The following RIMS2 variants were observed in gnomAD, a reference collection of about 807,000 sequenced individuals.
RIMS2 encodes regulating synaptic membrane exocytosis 2, also known as regulating synaptic membrane exocytosis protein 2.
Under a neutral mutation model 174.4 loss-of-function variants are expected in RIMS2, and 59 were observed. The observed-to-expected ratio is 0.34, with a 90% CI of 0.27 to 0.42. RIMS2 has a LOEUF of 0.42. Among genes scored for constraint, RIMS2 ranks in the 10% least tolerant of loss-of-function variants. The pLI is 1.00. For missense variants in RIMS2, 1,620 were observed against 1,666.3 expected, an observed-to-expected ratio of 0.97 and a Z score of 0.48; for synonymous variants, 606 against 572.5, an observed-to-expected ratio of 1.06 and a Z score of -0.84.
chr8:103,500,930 C>G (rs1229440695), exon 1 of RIMS2: 1 of 1,607,794 alleles, frequency 6.2e-7, no homozygotes, highest in African/African-American at 1.3e-5. Flanking sequence ...GCTCCCATCC[C>G]GGCGGCCTCT....
chr8:104,140,268 T>G (rs2098555146), intron 19 of RIMS2, among the ~76,000 whole-genome samples: 1 of 152,180 alleles, frequency 6.6e-6, no homozygotes, highest in Non-Finnish European at 1.5e-5. Flanking sequence ...CATGTCATAA[T>G]TTTTACCCAC....
chr8:104,011,383 GAGAAAAATATATAAGTA>G (rs1398949136), intron 17 of RIMS2, among the ~76,000 whole-genome samples: 2 of 151,842 alleles, frequency 1.3e-5, no homozygotes, highest in African/African-American at 2.4e-5. Context: ...TGTATTTACG[GAGAAAAATATATAAGTA>G]AAATGTAAAA....
chr8:103,658,903 G>T (rs2096563623), intron 1 of RIMS2, among the ~76,000 whole-genome samples: 2 of 152,136 alleles, frequency 1.3e-5, no homozygotes, highest in Admixed American at 1.3e-4. Context: ...ATGTTAGCTT[G>T]CAATAGCAGA....
At chr8:103,595,609 G>T (rs2094452079) in intron 1 of RIMS2, among the ~76,000 whole-genome samples, 1 of 151,888 alleles carries the variant, frequency 6.6e-6, no homozygotes, top group South Asian at 2.1e-4. Context: ...CAGTCATTTG[G>T]ATTTGTGCTT....
intron 1 of RIMS2, among the ~76,000 whole-genome samples, chr8:103,636,789 C>A (rs2096088461): frequency 1.0e-4 from 1 of 9,910 alleles, no homozygotes; most frequent in African/African-American, 7.6e-4. Flanking sequence ...CACCCCCGCA[C>A]CCCCCCCCCC....
chr8:103,882,062 C>A (rs910727484), intron 3 of RIMS2, among the ~76,000 whole-genome samples: 1 of 151,360 alleles, frequency 6.6e-6, no homozygotes, highest in Non-Finnish European at 1.5e-5. Flanking sequence ...AAATCCTAGA[C>A]GAATCGTTCC....
intron 2 of RIMS2, among the ~76,000 whole-genome samples, chr8:103,762,586 G>T (rs972614144): frequency 6.6e-6 from 1 of 152,116 alleles, no homozygotes; most frequent in African/African-American, 2.4e-5. Context: ...AGAGGTATTG[G>T]TGTGTGTGAG....
chr8:103,681,860 C>A (rs943586334), intron 1 of RIMS2, among the ~76,000 whole-genome samples: 4 of 151,926 alleles, frequency 2.6e-5, no homozygotes, highest in Non-Finnish European at 5.9e-5. Context: ...GGAGACTATT[C>A]TCTAGATTAG....
intron 3 of RIMS2, among the ~76,000 whole-genome samples, chr8:103,861,932 G>T (rs2099061070): frequency 6.6e-6 from 1 of 152,042 alleles, no homozygotes; most frequent in African/African-American, 2.4e-5. Context: ...TCTGTAAGTT[G>T]TCTATTTACT....
At chr8:104,000,072 A>C (rs1379784072) in intron 17 of RIMS2, among the ~76,000 whole-genome samples, 1 of 151,776 alleles carries the variant, frequency 6.6e-6, no homozygotes, top group African/African-American at 2.4e-5. Flanking sequence ...GCCTTGCCCT[A>C]GTGCAACAGA....
Position 104,188,091 on chromosome 8 carries a change from C to T in RIMS2, c.3335-56825C>T, listed in dbSNP as rs147493719. 6.6e-3 allele frequency among the ~76,000 whole-genome samples: 1,006 copies of T among 151,712 alleles called. 15 individuals are homozygous for T. The highest frequency in any genetic ancestry group is 0.023 in the African/African-American group (965 of 41,450). On this transcript the variant is annotated intron_variant, in intron 19 of 23. Coordinates refer to ENST00000504942, the Ensembl canonical transcript of RIMS2. ...TTTATAGTATGAGAATGGATGTAGC[C>T]TAACACTTTGTTCAATAGGACAATA...
Position 104,210,728 on chromosome 8 carries a change from A to G in RIMS2, c.3335-34188A>G, listed in dbSNP as rs117107315. Among the ~76,000 whole-genome samples the G allele has an allele frequency of 4.3e-3, 660 of 152,334 alleles. 4 individuals are homozygous for G. The highest frequency in any genetic ancestry group is 5.6e-3 in the Non-Finnish European group (381 of 68,034). On this transcript the variant is annotated intron_variant, in intron 19 of 23. Coordinates refer to ENST00000504942, the Ensembl canonical transcript of RIMS2. ...GGGCCTTTCCATCTGACTTTTGCAC[A>G]GTGGCAGGCTGCTCATTTCTTTTTC...
intron 1 of RIMS2, among the ~76,000 whole-genome samples, chr8:103,646,844 G>A (rs146079543): frequency 0.011 from 1,745 of 152,214 alleles, 42 homozygotes; most frequent in African/African-American, 0.04. Context: ...TTGCCTGACT[G>A]CCCTGGCCAG....
At chr8:103,571,859 A>C (rs1235656008) in intron 1 of RIMS2, among the ~76,000 whole-genome samples, 1 of 152,132 alleles carries the variant, frequency 6.6e-6, no homozygotes, top group East Asian at 1.9e-4. Context: ...TCTGTTCTGC[A>C]ACTGGGAAAG....
intron 16 of RIMS2, among the ~76,000 whole-genome samples, chr8:103,982,279 G>A (rs2093972015): frequency 6.6e-6 from 1 of 151,934 alleles, no homozygotes; most frequent in South Asian, 2.1e-4. Context: ...AGAAAAGCCT[G>A]AACCCAATGG....
At chr8:103,606,607 A>G (rs1295371484) in intron 1 of RIMS2, among the ~76,000 whole-genome samples, 1 of 152,066 alleles carries the variant, frequency 6.6e-6, no homozygotes, top group Non-Finnish European at 1.5e-5. Flanking sequence ...GGGGTGTTAA[A>G]GTCTCCCATT....
intron 1 of RIMS2, among the ~76,000 whole-genome samples, chr8:103,538,800 C>G (rs1841123644): frequency 6.6e-6 from 1 of 152,352 alleles, no homozygotes; most frequent in African/African-American, 2.4e-5. Context: ...AGCCACCACG[C>G]CCAGCCTAGT....
chr8:104,062,177 G>A (rs1323630984), intron 19 of RIMS2, among the ~76,000 whole-genome samples: 5 of 152,000 alleles, frequency 3.3e-5, no homozygotes, highest in Admixed American at 1.3e-4. Flanking sequence ...AGGCTGAGGC[G>A]GGCAGATCAT....
At chr8:103,629,354 A>C (rs894851266) in intron 1 of RIMS2, among the ~76,000 whole-genome samples, 7 of 152,264 alleles carry the variant, frequency 4.6e-5, no homozygotes, top group African/African-American at 1.7e-4. Context: ...TCAAAACAGC[A>C]AACGCTTTAA....
Sources: allele counts gnomAD v4.1 joint callset (sites outside exome capture counted in the v4.1 genomes callset), GRCh38; gene constraint gnomAD v4.1.1; transcripts MANE v1.5; gene names NCBI Gene and HGNC (gene_info 2026-07-23, HGNC 2026-07-21).